RFTN1: variants seen among roughly 807,000 people sequenced by gnomAD.
RFTN1 encodes raftlin, lipid raft linker 1.
Under a neutral mutation model 46.5 loss-of-function variants are expected in RFTN1, and 26 were observed. That is an observed-to-expected ratio of 0.56 (90% CI 0.41 to 0.78). RFTN1 has a LOEUF of 0.78. Ranked by LOEUF, RFTN1 falls within the 30% of genes least tolerant of loss-of-function variation. The pLI is 0.00. For synonymous variants in RFTN1, 261 were observed against 284.2 expected, an observed-to-expected ratio of 0.92 and a Z score of 0.82; for missense variants, 693 against 718.7, an observed-to-expected ratio of 0.96 and a Z score of 0.41.
chr3:16,370,496 C>T lies in RFTN1; in HGVS notation c.827-217G>A, dbSNP rs1380501100. 6.6e-6 allele frequency among the ~76,000 whole-genome samples: 1 copy of T among 152,134 alleles called. No individual in the cohort carries two copies. The highest frequency in any genetic ancestry group is 2.4e-5 in the African/African-American group (1 of 41,402). ...AACATGGACCTGAAGGGTTGGGCTTCTGATGGGGAACTTAGGTTTTTAATC... is the reference window on the plus strand; with the variant it reads ...AACATGGACCTGAAGGGTTGGGCTTTTGATGGGGAACTTAGGTTTTTAATC... On this transcript the variant is annotated intron_variant, in intron 5 of 9. Coordinates refer to ENST00000334133, the MANE Select transcript of RFTN1 (RefSeq NM_015150.2). The surrounding 1 kb of genome is among the most constrained non-coding windows in gnomAD (Gnocchi z 5.5).
intron 7 of RFTN1, among the ~76,000 whole-genome samples, chr3:16,332,365 C>T (rs1354301179): frequency 6.6e-6 from 1 of 151,426 alleles, no homozygotes; most frequent in East Asian, 1.9e-4. Context: ...TTTAAATTTT[C>T]TGCTGCCCTA....
chr3:16,365,492 T>G (rs555719804), intron 6 of RFTN1, among the ~76,000 whole-genome samples: 20 of 152,284 alleles, frequency 1.3e-4, no homozygotes, highest in Middle Eastern at 3.4e-3. Context: ...TACTTATGTA[T>G]TTTGCAAATA....
intron 3 of RFTN1, among the ~76,000 whole-genome samples, chr3:16,411,300 T>G (rs775803306): frequency 9.2e-5 from 14 of 152,186 alleles, no homozygotes; most frequent in Admixed American, 3.9e-4. Context: ...TTATATAGCA[T>G]TAAAAGCAAT....
At chr3:16,401,570 G>A (rs1340206199) in intron 4 of RFTN1, among the ~76,000 whole-genome samples, 1 of 152,052 alleles carries the variant, frequency 6.6e-6, no homozygotes, top group African/African-American at 2.4e-5. Flanking sequence ...CTCTTCCCCT[G>A]GATTCTGTAA....
rs1469367551 is a variant in RFTN1 at position 16,448,354 on chromosome 3, G to T, written c.146-14317C>A. ...TTTTAAACAGATGCATTTTCTTACA[G>T]TCCAAAAAAAAACATGATCCCTTGT... On this transcript the variant is annotated intron_variant, in intron 2 of 9. Coordinates refer to ENST00000334133, the MANE Select transcript of RFTN1 (RefSeq NM_015150.2). The surrounding 1 kb of genome is among the most constrained non-coding windows in gnomAD (Gnocchi z 4.1). 6.6e-6 allele frequency among the ~76,000 whole-genome samples: 1 copy of T among 151,622 alleles called. No individual in the cohort carries two copies. The highest frequency in any genetic ancestry group is 1.9e-4 in the East Asian group (1 of 5,192).
Position 16,484,563 on chromosome 3 carries a change from T to A in RFTN1, c.145+9162A>T, listed in dbSNP as rs2076418051. 6.6e-6 allele frequency: 1 copy of A among 152,212 alleles called. No individual in the cohort carries two copies. Among genetic ancestry groups the A allele is most frequent in the South Asian group, 2.1e-4 (1 of 4,836 alleles). The allele number at this position is 152,212 out of a possible 1,614,324, so 9.4% of individuals were successfully genotyped here. ...TGTAAAATGCAGCAGTGTGGAATGA[T>A]CCTCGAAATTGTAATGCGTGTCATG... is the stretch of plus-strand genomic sequence containing the variant. On this transcript the variant is annotated intron_variant, in intron 2 of 9. Transcript: ENST00000334133. The surrounding 1 kb of genome is among the most constrained non-coding windows in gnomAD (Gnocchi z 4.6).
At position 16,442,896 on chromosome 3, in the gene RFTN1, T is replaced by G. The variant is rs577256117; in HGVS notation, c.146-8859A>C. Among the ~76,000 whole-genome samples, 1 of 152,380 alleles carries G rather than the reference T, an allele frequency of 6.6e-6. No homozygotes were observed. The highest frequency in any genetic ancestry group is 2.1e-4 in the South Asian group (1 of 4,832). On this transcript the variant is annotated intron_variant, in intron 2 of 9. Coordinates refer to ENST00000334133, the MANE Select transcript of RFTN1 (RefSeq NM_015150.2). This position sits in a 1 kb window ranked among gnomAD's most constrained non-coding sequence, Gnocchi z 4.1. ...TGTCCTCTAGATTCAGCCATGCTGT[T>G]GTAAATGGAGGATCATCTTCTTTTT...
Position 16,458,510 on chromosome 3 carries a change from TA to T in RFTN1, c.146-24474del, listed in dbSNP as rs1196496671. Among the ~76,000 whole-genome samples the T allele has an allele frequency of 1.3e-5, 2 of 152,264 alleles. No homozygotes were observed. The highest frequency in any genetic ancestry group is 2.9e-5 in the Non-Finnish European group (2 of 68,048). On this transcript the variant is annotated intron_variant, in intron 2 of 9. Transcript: ENST00000334133. The surrounding 1 kb of genome is among the most constrained non-coding windows in gnomAD (Gnocchi z 5.1). Reference sequence around the variant, plus strand: ...TTCATCTGCAAGAAGCCCATCTATCTATAGCTTTCCTTTTGCAGTAGCTTTT... The same window carrying T: ...TTCATCTGCAAGAAGCCCATCTATCTTAGCTTTCCTTTTGCAGTAGCTTTT...
chr3:16,453,721 A>AAATAAG (rs1333270303), intron 2 of RFTN1, among the ~76,000 whole-genome samples: 1 of 152,266 alleles, frequency 6.6e-6, no homozygotes, highest in East Asian at 1.9e-4. Context: ...AGAACCAGAA[A>AAATAAG]AATAAGAATA....
chr3:16,325,846 A>T (rs1483586003), intron 8 of RFTN1, among the ~76,000 whole-genome samples: 1 of 152,192 alleles, frequency 6.6e-6, no homozygotes, highest in Non-Finnish European at 1.5e-5. Context: ...GCCTTGCCCC[A>T]TGCTGTCCAT....
rs752267754 is a variant in RFTN1 at position 16,345,822 on chromosome 3, GCGCGCGTGCGCGCA to G, written c.1146+12096_1146+12109del. Among the ~76,000 whole-genome samples, 56 of 67,850 alleles carry G rather than the reference GCGCGCGTGCGCGCA, an allele frequency of 8.3e-4. No homozygotes were observed. The highest frequency in any genetic ancestry group is 1.6e-3 in the East Asian group (4 of 2,444). 44.5% of individuals were successfully genotyped at this position (67,850 alleles called of 152,430 possible). ...TGTGTGTGTGTGTGTGTGTGTGCGC[GCGCGCGTGCGCGCA>G]CGCGCACATGTGCATGTGTATGTGT... On this transcript the variant is annotated intron_variant, in intron 7 of 9. Transcript: ENST00000334133. This position sits in a 1 kb window ranked among gnomAD's most constrained non-coding sequence, Gnocchi z 5.2.
Position 16,371,250 on chromosome 3 carries a change from G to A in RFTN1, c.827-971C>T, listed in dbSNP as rs542035771. On this transcript the variant is annotated intron_variant, in intron 5 of 9. Coordinates refer to ENST00000334133, the MANE Select transcript of RFTN1 (RefSeq NM_015150.2). ...AGGTCATAAACAATGGTTGACATTA[G>A]CAAGAAGGACAAAGCACATTCATGC... Among the ~76,000 whole-genome samples the A allele has an allele frequency of 3.3e-5, 5 of 152,308 alleles. No individual in the cohort carries two copies. The South Asian group carries it at 1.0e-3, about 32-fold the overall frequency.
chr3:16,383,054 G>C lies in RFTN1; in HGVS notation c.442-4952C>G, dbSNP rs1465746716. Among the ~76,000 whole-genome samples the C allele has an allele frequency of 6.6e-6, 1 of 152,132 alleles. No individual in the cohort carries two copies. The highest frequency in any genetic ancestry group is 2.1e-4 in the South Asian group (1 of 4,828). On this transcript the variant is annotated intron_variant, in intron 4 of 9. Transcript: ENST00000334133. This position sits in a 1 kb window ranked among gnomAD's most constrained non-coding sequence, Gnocchi z 4.0. ...AAGAACTTTCACATGCATTCCCTTA[G>C]GCCTCAAAATCATACCTTACAGAAG...
chr3:16,356,219 C>A lies in RFTN1; in HGVS notation c.1146+1713G>T, dbSNP rs191958706. On this transcript the variant is annotated intron_variant, in intron 7 of 9. Coordinates refer to ENST00000334133, the MANE Select transcript of RFTN1 (RefSeq NM_015150.2). This position sits in a 1 kb window ranked among gnomAD's most constrained non-coding sequence, Gnocchi z 4.9. ...CACTCGCTTGGCATCTTGGACTGAG[C>A]TTTACTTCCTCTGCATCCCATTTCT... Among the ~76,000 whole-genome samples, 2 of 152,318 alleles carry A rather than the reference C, an allele frequency of 1.3e-5. No homozygotes were observed. Among genetic ancestry groups the A allele is most frequent in the South Asian group, 2.1e-4 (1 of 4,824 alleles).
At chr3:16,386,439 C>T (rs913523781) in intron 4 of RFTN1, among the ~76,000 whole-genome samples, 3 of 152,186 alleles carry the variant, frequency 2.0e-5, no homozygotes, top group Non-Finnish European at 2.9e-5. Context: ...GATTAGAGAA[C>T]TGAGGCACAG....
chr3:16,436,146 T>G (rs900526386), intron 2 of RFTN1, among the ~76,000 whole-genome samples: 2 of 151,924 alleles, frequency 1.3e-5, no homozygotes, highest in East Asian at 3.8e-4. Flanking sequence ...TTTTTCTTAT[T>G]AAACATTTCA....
At chr3:16,436,546 C>T (rs951057427) in intron 2 of RFTN1, among the ~76,000 whole-genome samples, 1 of 152,010 alleles carries the variant, frequency 6.6e-6, no homozygotes, top group African/African-American at 2.4e-5. Context: ...GCAGAAAGAC[C>T]TGGGATTATA....
At chr3:16,393,819 C>T (rs1034535641) in intron 4 of RFTN1, among the ~76,000 whole-genome samples, 12 of 152,060 alleles carry the variant, frequency 7.9e-5, no homozygotes, top group Middle Eastern at 3.4e-3. Flanking sequence ...CCACCATACC[C>T]GGCTAATTTT....
At chr3:16,354,803 C>T (rs2072324630) in intron 7 of RFTN1, among the ~76,000 whole-genome samples, 1 of 152,216 alleles carries the variant, frequency 6.6e-6, no homozygotes, top group Non-Finnish European at 1.5e-5. Flanking sequence ...ATTTTACTAT[C>T]AACAGCCAAG....
Sources: gnomAD v4.1 joint callset for allele counts (sites outside exome capture counted in the v4.1 genomes callset) on GRCh38, gnomAD v4.1.1 for gene constraint, Gnocchi (gnomAD v3.1) non-coding constraint, MANE v1.5 for transcripts, NCBI Gene and HGNC (gene_info 2026-07-23, HGNC 2026-07-21) for gene names.